The following CSGALNACT2 variants were observed in gnomAD, a reference collection of about 807,000 sequenced individuals.
CSGALNACT2 encodes beta 4 GalNAcT-2.
In CSGALNACT2, 35 loss-of-function variants were observed where a neutral mutation model predicts 55.3. The observed-to-expected ratio is 0.63, with a 90% CI of 0.48 to 0.84. The LOEUF is 0.84. CSGALNACT2 is among the 40% of genes least tolerant of loss of function. The pLI is 0.00. For missense variants in CSGALNACT2, 544 were observed against 657.5 expected (o/e 0.83, Z 1.89); for synonymous variants, 196 against 224.9 (o/e 0.87, Z 1.15).
chr10:43,149,392 T>C (rs1281028759), intron 1 of CSGALNACT2, among the ~76,000 whole-genome samples: 2 of 152,120 alleles, frequency 1.3e-5, no homozygotes, highest in African/African-American at 2.4e-5. Context: ...CAGCCCCTAT[T>C]GAATGGTTTT....
chr10:43,173,997 TA>T (rs1485407975), intron 6 of CSGALNACT2, among the ~76,000 whole-genome samples: 4 of 151,916 alleles, frequency 2.6e-5, no homozygotes, highest in Admixed American at 6.6e-5. Flanking sequence ...TGTCTCAAAA[TA>T]ATAATAATAA....
At chr10:43,165,729 G>A (rs1380125195) in intron 5 of CSGALNACT2, among the ~76,000 whole-genome samples, 3 of 152,204 alleles carry the variant, frequency 2.0e-5, no homozygotes, top group East Asian at 3.8e-4. Context: ...GGTGGTTCAT[G>A]CCTGTAATCC....
chr10:43,167,761 T>G (rs1379407473), intron 6 of CSGALNACT2, among the ~76,000 whole-genome samples: 4 of 152,158 alleles, frequency 2.6e-5, no homozygotes, highest in Non-Finnish European at 5.9e-5. Flanking sequence ...GTTTTTCTAC[T>G]AATGTCCTTT....
At position 43,158,746 on chromosome 10, in the gene CSGALNACT2, A is replaced by G. The variant is rs35718664; in HGVS notation, c.693A>G (p.Thr231=). Reference sequence around the variant, plus strand: ...ATCGCACTGAGAGAGATAAGGGCACACAGTATGAACTCTTTTTTAAGAAAG... The same window carrying G: ...ATCGCACTGAGAGAGATAAGGGCACGCAGTATGAACTCTTTTTTAAGAAAG... The part of the protein sequence containing the change: ...GYYRTERDKG[T]QYELFFKKAD... The change falls in exon 3 of 8, where the codon ACA becomes ACG. Residue 231 remains threonine (T), a synonymous_variant. Transcript: ENST00000374466. The G allele has an allele frequency of 0.054, 87,254 of 1,608,812 alleles. 2,798 individuals are homozygous for G. The highest frequency in any genetic ancestry group is 0.096 in the South Asian group (8,687 of 90,926).
chr10:43,178,450 GTC>G (rs1431401757), intron 7 of CSGALNACT2, among the ~76,000 whole-genome samples: 1 of 151,976 alleles, frequency 6.6e-6, no homozygotes, highest in Non-Finnish European at 1.5e-5. Flanking sequence ...GTAAAACCCT[GTC>G]TCTACTAAAA....
At chr10:43,154,680 T>C (rs1261887751) in intron 1 of CSGALNACT2, among the ~76,000 whole-genome samples, 1 of 152,044 alleles carries the variant, frequency 6.6e-6, no homozygotes, top group Non-Finnish European at 1.5e-5. Flanking sequence ...TAAGCCAAGA[T>C]TGTGCCACTG....
chr10:43,163,093 T>TA, intron 4 of CSGALNACT2: 2 of 985,390 alleles, frequency 2.0e-6, no homozygotes, highest in Non-Finnish European at 2.4e-6. Context: ...TCTACATTCT[T>TA]ACCTCTTTGC....
rs529142327 is a variant in CSGALNACT2 at position 43,138,499 on chromosome 10, A to G, written c.-322A>G. The G allele has an allele frequency of 6.6e-6, 1 of 150,438 alleles. No homozygotes were observed. Among genetic ancestry groups the G allele is most frequent in the African/African-American group, 2.4e-5 (1 of 41,146 alleles). The allele number at this position is 150,438 out of a possible 1,614,324, so 9.3% of individuals were successfully genotyped here. A position where few individuals can be genotyped will look rare whatever the true frequency, so the allele number is the denominator to read the frequency against. On this transcript the variant is annotated 5_prime_UTR_variant, in exon 1 of 8. Coordinates refer to ENST00000374466, the MANE Select transcript of CSGALNACT2 (RefSeq NM_018590.5). ...GGGTGGCTGAGGCGGCGGCGGGCCC[A>G]AGGCGTGAGGCGCCGCCCGGGTGTC... is the stretch of plus-strand genomic sequence containing the variant.
chr10:43,148,953 C>T (rs1158609114), intron 1 of CSGALNACT2, among the ~76,000 whole-genome samples: 1 of 152,180 alleles, frequency 6.6e-6, no homozygotes, highest in East Asian at 1.9e-4. Context: ...ACATCCTTGT[C>T]TTATTCCTGA....
intron 7 of CSGALNACT2, among the ~76,000 whole-genome samples, chr10:43,178,945 A>G (rs143414358): frequency 6.6e-6 from 1 of 152,056 alleles, no homozygotes; most frequent in East Asian, 1.9e-4. Flanking sequence ...CAGATTGCAT[A>G]ATTTCTATTG....
chr10:43,156,895 G>C (rs560767939), intron 2 of CSGALNACT2, among the ~76,000 whole-genome samples: 6 of 152,336 alleles, frequency 3.9e-5, no homozygotes, highest in African/African-American at 1.4e-4. Flanking sequence ...TCTGTGGCCT[G>C]GGGGTTAGGG....
At chr10:43,155,845 A>G (rs776867198) in intron 2 of CSGALNACT2, 35 bp downstream of exon 2, 3 of 1,528,270 alleles carry the variant, frequency 2.0e-6, no homozygotes, top group Non-Finnish European at 2.7e-6. Flanking sequence ...ATATTATGTT[A>G]GTAAGACAAA....
At position 43,183,745 on chromosome 10, in the gene CSGALNACT2, C is replaced by T; in HGVS notation, c.*203C>T. 1.7e-6 allele frequency: 1 copy of T among 582,262 alleles called. No individual in the cohort carries two copies. Among genetic ancestry groups the T allele is most frequent in the Non-Finnish European group, 3.0e-6 (1 of 328,180 alleles). The allele number at this position is 582,262 out of a possible 1,614,324, so 36.1% of individuals were successfully genotyped here. A position where few individuals can be genotyped will look rare whatever the true frequency, so the allele number is the denominator to read the frequency against. On this transcript the variant is annotated 3_prime_UTR_variant, in exon 8 of 8. Coordinates refer to ENST00000374466, the MANE Select transcript of CSGALNACT2 (RefSeq NM_018590.5). ...AAATCTCTGTTTTGTGAGAATACTG[C>T]ACTATGGAATAATTGACAAATTGAA...
At chr10:43,153,314 G>A (rs1165792989) in intron 1 of CSGALNACT2, among the ~76,000 whole-genome samples, 2 of 122,892 alleles carry the variant, frequency 1.6e-5, no homozygotes, top group Non-Finnish European at 3.3e-5. Context: ...CAGCCTGGGC[G>A]ACAGAGCAAG....
Position 43,183,563 on chromosome 10 carries a change from T to G in CSGALNACT2, c.*21T>G, listed in dbSNP as rs777975706. On this transcript the variant is annotated 3_prime_UTR_variant, in exon 8 of 8. Coordinates refer to ENST00000374466, the MANE Select transcript of CSGALNACT2 (RefSeq NM_018590.5). ...GTTGAAATCATAATTAATGCGTTAC[T>G]GTATGAACCACAAAACAGCACTATT... The G allele has an allele frequency of 7.5e-6, 12 of 1,601,274 alleles. No individual in the cohort carries two copies. In the South Asian group the frequency reaches 1.3e-4, roughly 18 times the overall value.
intron 1 of CSGALNACT2, among the ~76,000 whole-genome samples, chr10:43,141,313 G>C (rs569159166): frequency 2.6e-5 from 4 of 152,078 alleles, no homozygotes; most frequent in African/African-American, 9.7e-5. Context: ...CACCTCCCAG[G>C]TTCACGCCAT....
At chr10:43,170,500 A>T (rs1255829490) in intron 6 of CSGALNACT2, among the ~76,000 whole-genome samples, 2 of 152,222 alleles carry the variant, frequency 1.3e-5, no homozygotes, top group African/African-American at 2.4e-5. Flanking sequence ...CTGAGCAATG[A>T]AATAAATAAC....
intron 7 of CSGALNACT2, among the ~76,000 whole-genome samples, chr10:43,176,387 T>A (rs1839481671): frequency 6.6e-6 from 1 of 152,098 alleles, no homozygotes; most frequent in South Asian, 2.1e-4. Context: ...CAGCTGGGAG[T>A]AATCTTGGTT....
chr10:43,142,963 C>G (rs1409658958), intron 1 of CSGALNACT2, among the ~76,000 whole-genome samples: 4 of 152,206 alleles, frequency 2.6e-5, no homozygotes, highest in African/African-American at 9.6e-5. Context: ...GAAATAATAT[C>G]TAACAGTTAC....
Sources: gnomAD v4.1 joint callset for allele counts (sites outside exome capture counted in the v4.1 genomes callset) on GRCh38, gnomAD v4.1.1 for gene constraint, MANE v1.5 for transcripts, NCBI Gene and HGNC (gene_info 2026-07-23, HGNC 2026-07-21) for gene names.